Variants in PLD5 observed in about 807,000 individuals in gnomAD.
PLD5 encodes phospholipase D family member 5, also known as inactive phospholipase D5.
A neutral mutation model predicts 61.1 loss-of-function variants in PLD5; 36 were observed. The ratio of observed to expected loss-of-function variants is 0.59; its 90% CI spans 0.45 to 0.78. The LOEUF is 0.78. Ranked by LOEUF, PLD5 falls within the 30% of genes least tolerant of loss-of-function variation. The probability of loss-of-function intolerance (pLI) is 0.00; values close to 1 mark genes in which losing one functional copy is unlikely to be tolerated. For missense variants in PLD5, 515 were observed against 644.4 expected (o/e 0.80, Z 2.17); for synonymous variants, 243 against 242.8 (o/e 1.00, Z -0.01).
chr1:242,465,930 T>C lies in PLD5; in HGVS notation c.189+58158A>G, dbSNP rs754379828. On this transcript the variant is annotated intron_variant, in intron 1 of 9. Transcript: ENST00000536534. ...GGCAACAGAGCAAGACTCTGGCTCA[T>C]GGAGGGAAAGAAAACAGAAATGCCA... 1.6e-4 allele frequency among the ~76,000 whole-genome samples: 25 copies of C among 152,066 alleles called. 1 individual carries two copies. Among genetic ancestry groups the C allele is most frequent in the Non-Finnish European group, 2.9e-4 (20 of 67,990 alleles).
intron 1 of PLD5, among the ~76,000 whole-genome samples, chr1:242,367,782 G>A (rs1661424845): frequency 6.6e-6 from 1 of 152,140 alleles, no homozygotes; most frequent in Admixed American, 6.5e-5. Flanking sequence ...GAGGACACAG[G>A]TGAACCCTTG....
chr1:242,435,468 G>C (rs1665949180), intron 1 of PLD5, among the ~76,000 whole-genome samples: 1 of 152,118 alleles, frequency 6.6e-6, no homozygotes, highest in Admixed American at 6.5e-5. Flanking sequence ...AGTGTGTATA[G>C]TGTTCCTAAA....
rs1659633135 is a variant in PLD5, at chr1:242,089,327, G to A, written c.*527C>T. On this transcript the variant is annotated 3_prime_UTR_variant, in exon 10 of 10. Transcript: ENST00000536534. ...GAAGAAAATGAGCAAGACAGAAAAG[G>A]ATATTTTTCAAGGGTGTTGAAGGCT... is the stretch of plus-strand genomic sequence containing the variant. The A allele has an allele frequency of 2.5e-6, 1 of 400,024 alleles. No individual in the cohort carries two copies. Among genetic ancestry groups the A allele is most frequent in the East Asian group, 3.6e-5 (1 of 28,072 alleles). The allele number at this position is 400,024 out of a possible 1,614,324, so 24.8% of individuals were successfully genotyped here.
intron 4 of PLD5, among the ~76,000 whole-genome samples, 173 bp from the exon 5 acceptor site, chr1:242,220,288 C>T (rs1670483560): frequency 6.7e-6 from 1 of 149,662 alleles, no homozygotes; most frequent in African/African-American, 2.5e-5. Flanking sequence ...TTATTTTGTT[C>T]CCTAAAACAA....
intron 5 of PLD5, among the ~76,000 whole-genome samples, chr1:242,128,016 C>T (rs1415206590): frequency 4.6e-5 from 7 of 152,132 alleles, no homozygotes; most frequent in Admixed American, 1.3e-4. Flanking sequence ...TTTGCTCACA[C>T]GTGGCAAACA....
chr1:242,174,202 GAAA>G (rs1034643290), intron 5 of PLD5, among the ~76,000 whole-genome samples: 1 of 138,656 alleles, frequency 7.2e-6, no homozygotes, highest in African/African-American at 2.5e-5. Flanking sequence ...AAATTTACAA[GAAA>G]AAAACAAACA....
chr1:242,297,514 T>A (rs1173925392), intron 2 of PLD5, among the ~76,000 whole-genome samples: 1 of 151,700 alleles, frequency 6.6e-6, no homozygotes, highest in Non-Finnish European at 1.5e-5. Context: ...AAGTGATCCT[T>A]CTGCCTTAGT....
At chr1:242,341,262 T>G (rs1253713499) in intron 2 of PLD5, among the ~76,000 whole-genome samples, 1 of 151,050 alleles carries the variant, frequency 6.6e-6, no homozygotes, top group African/African-American at 2.4e-5. Context: ...AAGACCACTC[T>G]AAGGTCATGA....
In PLD5 at chr1:242,174,877, C is replaced by A. The variant is rs797017138; in HGVS notation, c.735+45111G>T. ...GAACACCTGGACATAGGAAGGGGAA[C>A]GTCACACACCGGGGCCGGTCATGAG... is the stretch of plus-strand genomic sequence containing the variant. On this transcript the variant is annotated intron_variant, in intron 5 of 9. Transcript: ENST00000536534. Among the ~76,000 whole-genome samples, 233 of 152,164 alleles carry A rather than the reference C, an allele frequency of 1.5e-3. 1 individual carries two copies. The highest frequency in any genetic ancestry group is 5.3e-3 in the African/African-American group (220 of 41,514).
intron 4 of PLD5, among the ~76,000 whole-genome samples, chr1:242,234,090 CCTTT>C (rs1388628323): frequency 6.6e-6 from 1 of 152,150 alleles, no homozygotes; most frequent in Non-Finnish European, 1.5e-5. Flanking sequence ...TTTGTTCCTT[CCTTT>C]GAGAACCAAT....
At chr1:242,159,116 C>A (rs570677476) in intron 5 of PLD5, among the ~76,000 whole-genome samples, 81 of 152,256 alleles carry the variant, frequency 5.3e-4, no homozygotes, top group African/African-American at 1.9e-3. Context: ...TATTGATACG[C>A]CCCATGACTT....
intron 1 of PLD5, among the ~76,000 whole-genome samples, chr1:242,366,685 A>G (rs961770680): frequency 5.9e-5 from 9 of 152,154 alleles, no homozygotes; most frequent in African/African-American, 1.4e-4. Flanking sequence ...CTGGTAATAA[A>G]TTCAGCGTTG....
intron 2 of PLD5, among the ~76,000 whole-genome samples, chr1:242,321,192 C>A (rs142962125): frequency 6.6e-6 from 1 of 152,048 alleles, no homozygotes; most frequent in Non-Finnish European, 1.5e-5. Context: ...ATTGATGCAG[C>A]CAGGCCTCCC....
intron 4 of PLD5, among the ~76,000 whole-genome samples, chr1:242,230,314 C>CA (rs1373566250): frequency 2.6e-5 from 4 of 152,116 alleles, no homozygotes; most frequent in Non-Finnish European, 5.9e-5. Context: ...TAAAATTAAT[C>CA]ACTAGCTTTT....
intron 1 of PLD5, among the ~76,000 whole-genome samples, chr1:242,351,307 C>A (rs1242494153): frequency 6.6e-6 from 1 of 152,100 alleles, no homozygotes. Flanking sequence ...AGTGAATGAA[C>A]AAAATGAAAA....
chr1:242,368,307 T>G (rs908299042), intron 1 of PLD5, among the ~76,000 whole-genome samples: 2 of 137,608 alleles, frequency 1.5e-5, no homozygotes, highest in African/African-American at 5.3e-5. Context: ...ATTCTGGAAC[T>G]GCCCAATTCG....
intron 4 of PLD5, among the ~76,000 whole-genome samples, chr1:242,220,805 C>T (rs942853589): frequency 7.3e-5 from 11 of 151,254 alleles, no homozygotes; most frequent in African/African-American, 2.2e-4. Context: ...GGTGTAATCT[C>T]AGCTCACAGC....
At chr1:242,392,585 C>G (rs1662999438) in intron 1 of PLD5, among the ~76,000 whole-genome samples, 1 of 152,148 alleles carries the variant, frequency 6.6e-6, no homozygotes, top group Non-Finnish European at 1.5e-5. Flanking sequence ...CACTGCTCCT[C>G]AGAGGAAAAA....
In PLD5 at chr1:242,095,528, G is replaced by A. The variant is rs1232731330; in HGVS notation, c.1354+5140C>T. ...ATTATAGGTGTGAGCCACCACGCCCGGCCTAAAACATTTAATTCATCAAAA... is the reference window on the plus strand; with the variant it reads ...ATTATAGGTGTGAGCCACCACGCCCAGCCTAAAACATTTAATTCATCAAAA... On this transcript the variant is annotated intron_variant, in intron 9 of 9. Coordinates refer to ENST00000536534, the MANE Select transcript of PLD5 (RefSeq NM_001372062.1). Among the ~76,000 whole-genome samples the A allele has an allele frequency of 7.9e-5, 12 of 152,104 alleles. 1 individual carries two copies. The highest frequency in any genetic ancestry group is 4.8e-5 in the African/African-American group (2 of 41,478).
Sources: allele counts gnomAD v4.1 joint callset (sites outside exome capture counted in the v4.1 genomes callset), GRCh38; gene constraint gnomAD v4.1.1; transcripts MANE v1.5; gene names NCBI Gene and HGNC (gene_info 2026-07-23, HGNC 2026-07-21).